KDM5A: variants seen among roughly 807,000 people sequenced by gnomAD.
KDM5A encodes the protein lysine-specific demethylase 5A.
A neutral mutation model predicts 193.5 loss-of-function variants in KDM5A; 42 were observed. The observed-to-expected ratio is 0.22, with a 90% confidence interval of 0.17 to 0.28. KDM5A has a LOEUF of 0.28. Ranked by LOEUF, KDM5A falls within the 10% of genes least tolerant of loss-of-function variation. The pLI is 1.00. For synonymous variants in KDM5A, 796 were observed against 718.1 expected, an observed-to-expected ratio of 1.11 and a Z score of -1.73; for missense variants, 1,692 against 2,055.1, an observed-to-expected ratio of 0.82 and a Z score of 3.42.
At chr12:350,216 C>G (rs1398910621) in intron 10 of KDM5A, among the ~76,000 whole-genome samples, 1 of 152,084 alleles carries the variant, frequency 6.6e-6, no homozygotes, top group Non-Finnish European at 1.5e-5. Flanking sequence ...GCAGGCAGAT[C>G]ACCTGAGGTC....
intron 3 of KDM5A, among the ~76,000 whole-genome samples, chr12:380,788 A>G (rs1016804475): frequency 1.3e-5 from 2 of 151,944 alleles, no homozygotes; most frequent in Non-Finnish European, 2.9e-5. Flanking sequence ...TGATAAAATA[A>G]TTTTTGAAAA....
chr12:343,966 C>T (rs917887333), intron 10 of KDM5A, among the ~76,000 whole-genome samples: 1 of 152,192 alleles, frequency 6.6e-6, no homozygotes, highest in African/African-American at 2.4e-5. Context: ...ACAAACTTCT[C>T]CGAGCTAAAG....
At chr12:331,091 G>GA (rs79839498) in intron 13 of KDM5A, among the ~76,000 whole-genome samples, 24,054 of 151,210 alleles carry the variant, frequency 0.16, 2,261 homozygotes, top group Non-Finnish European at 0.21. Context: ...AAAAGGAACA[G>GA]AAAAAACATA....
At chr12:315,699 A>G (rs1943643588) in intron 19 of KDM5A, among the ~76,000 whole-genome samples, 1 of 152,174 alleles carries the variant, frequency 6.6e-6, no homozygotes, top group Non-Finnish European at 1.5e-5. Context: ...ACTGAGTTTG[A>G]GGATAAAGAA....
intron 3 of KDM5A, among the ~76,000 whole-genome samples, chr12:380,913 G>C (rs1290313769): frequency 6.6e-6 from 1 of 151,934 alleles, no homozygotes; most frequent in Admixed American, 6.6e-5. Flanking sequence ...TCCTACCTCA[G>C]CCTCCTGAGC....
rs757968807 is a variant in KDM5A at position 307,761 on chromosome 12, A to G, written c.3623T>C (p.Val1208Ala). Residue 1208 changes from valine (V) to alanine (A), a missense_variant, in exon 23 of 28, where the codon GTA becomes GCA. This residue lies in a region of KDM5A where 965 missense variants were observed against 1,061.0 expected (regional missense o/e 0.91). Coordinates refer to ENST00000399788, the MANE Select transcript of KDM5A (RefSeq NM_001042603.3). The surrounding 1 kb of genome is among the most constrained non-coding windows in gnomAD (Gnocchi z 4.3). ...KKGSSWQAKE[V>A]KFLCPLCMRS... is the part of the protein sequence containing the mutation. ...CATACAAAGAGGGCAAAGGAATTTTACTTCTTTAGCTTGCCAGCTGGATCC... is the reference window on the plus strand; with the variant it reads ...CATACAAAGAGGGCAAAGGAATTTTGCTTCTTTAGCTTGCCAGCTGGATCC... 6.2e-7 allele frequency: 1 copy of G among 1,614,068 alleles called. No homozygotes were observed. The highest frequency in any genetic ancestry group is 8.5e-7 in the Non-Finnish European group (1 of 1,180,000).
At chr12:357,758 G>A (rs1944244653) in intron 5 of KDM5A, among the ~76,000 whole-genome samples, 1 of 140,836 alleles carries the variant, frequency 7.1e-6, no homozygotes. Flanking sequence ...AACCCAGGAG[G>A]TGGAGGTTGC....
intron 17 of KDM5A, 38 bp downstream of exon 17, chr12:322,379 A>C (rs750110860): frequency 5.0e-6 from 8 of 1,600,696 alleles, no homozygotes; most frequent in African/African-American, 1.3e-5. Context: ...TGAAAGAAAC[A>C]GGAAAACACT....
chr12:373,397 G>A (rs1382914246), intron 3 of KDM5A, among the ~76,000 whole-genome samples: 2 of 152,164 alleles, frequency 1.3e-5, no homozygotes, highest in East Asian at 1.9e-4. Flanking sequence ...TTTATTCTCT[G>A]ATGGTAGTTT....
At chr12:352,158 T>C in intron 9 of KDM5A, 47 bp downstream of exon 9, 1 of 1,143,028 alleles carries the variant, frequency 8.7e-7, no homozygotes, top group Non-Finnish European at 1.3e-6. Context: ...TGTACTCAGG[T>C]AAATCTTTGT....
chr12:324,810 T>C (rs943140549), intron 14 of KDM5A, among the ~76,000 whole-genome samples: 9 of 151,908 alleles, frequency 5.9e-5, no homozygotes, highest in African/African-American at 1.9e-4. Flanking sequence ...GGGGTGAAGG[T>C]TGCAATGAGC....
chr12:322,484 C>A lies in KDM5A; in HGVS notation c.2359G>T (p.Ala787Ser). Residue 787 changes from alanine (A) to serine (S), a missense_variant, in exon 17 of 28, where the codon GCT becomes TCT. Coordinates refer to ENST00000399788, the MANE Select transcript of KDM5A (RefSeq NM_001042603.3). ...GCACAGGTCTCAGCTTCTTTTACAG[C>A]ATCCCTGAGTTTTCGAAAGAGATCA... Reference protein sequence around the residue: ...ENDLFRKLRDAVKEAETCASV... With the variant: ...ENDLFRKLRDSVKEAETCASV... The A allele has an allele frequency of 6.2e-7, 1 of 1,613,778 alleles. No homozygotes were observed. The highest frequency in any genetic ancestry group is 1.3e-5 in the African/African-American group (1 of 75,060).
At chr12:345,059 G>C (rs1394104237) in intron 10 of KDM5A, among the ~76,000 whole-genome samples, 1 of 152,004 alleles carries the variant, frequency 6.6e-6, no homozygotes, top group Non-Finnish European at 1.5e-5. Context: ...TCAAAATAAA[G>C]GGACGGAGGA....
intron 3 of KDM5A, among the ~76,000 whole-genome samples, chr12:372,974 T>C (rs1944450704): frequency 6.6e-6 from 1 of 152,228 alleles, no homozygotes; most frequent in Admixed American, 6.5e-5. Context: ...CTTTTTGATG[T>C]GCTGCTGGAT....
intron 3 of KDM5A, among the ~76,000 whole-genome samples, chr12:369,752 A>G (rs542328726): frequency 2.7e-4 from 41 of 152,240 alleles, no homozygotes; most frequent in African/African-American, 9.9e-4. Context: ...AAGCAGGGAG[A>G]AGTAAAAGAA....
At chr12:356,568 A>G in intron 5 of KDM5A, 31 bp from the exon 6 acceptor site, 1 of 1,340,994 alleles carries the variant, frequency 7.5e-7, no homozygotes, top group Non-Finnish European at 1.1e-6. Context: ...ACATTAGCAT[A>G]ATCATGCTGA....
At chr12:300,880 C>G (rs1159223786) in intron 24 of KDM5A, among the ~76,000 whole-genome samples, 1 of 152,124 alleles carries the variant, frequency 6.6e-6, no homozygotes. Context: ...TACAAACTAC[C>G]AGCAGACAAT....
chr12:342,651 A>T lies in KDM5A; in HGVS notation c.1308+7970T>A, dbSNP rs554455955. On this transcript the variant is annotated intron_variant, in intron 10 of 27. Coordinates refer to ENST00000399788, the MANE Select transcript of KDM5A (RefSeq NM_001042603.3). The stretch of plus-strand genomic sequence containing the variant: ...ATTTTTGTATTTTTTTAGTAGAGAC[A>T]GGGTTTCACCATGTTGGCCAGCCTG... 2.0e-5 allele frequency among the ~76,000 whole-genome samples: 3 copies of T among 152,036 alleles called. No homozygotes were observed. In the South Asian group the frequency reaches 6.2e-4, roughly 32 times the overall value.
At position 295,613 on chromosome 12, in the gene KDM5A, G is replaced by A; in HGVS notation, c.4415C>T (p.Thr1472Ile). The A allele has an allele frequency of 1.9e-6, 3 of 1,614,154 alleles. No homozygotes were observed. Among genetic ancestry groups the A allele is most frequent in the South Asian group, 1.1e-5 (1 of 91,088 alleles). ...GAATCTGTCTTCAGAGGGTGGGTGT[G>A]TGGCCTGCAAAATCCGCCATATGTG... ...TQHIWRILQATHPPSEDRFLH... is the reference protein window; with the variant it reads ...TQHIWRILQAIHPPSEDRFLH... The change falls in exon 26 of 28, where the codon ACA (threonine) becomes ATA (isoleucine). Residue 1472 changes from threonine (T) to isoleucine (I), a missense_variant. Transcript: ENST00000399788.
Sources: gnomAD v4.1 joint callset for allele counts (sites outside exome capture counted in the v4.1 genomes callset) on GRCh38, gnomAD v4.1.1 for gene constraint, gnomAD v4.1.1 regional missense constraint, Gnocchi (gnomAD v3.1) non-coding constraint, MANE v1.5 for transcripts, NCBI Gene and HGNC (gene_info 2026-07-23, HGNC 2026-07-21) for gene names.